The following L3MBTL3 variants were observed in gnomAD, a reference collection of about 807,000 sequenced individuals.
L3MBTL3 encodes L3MBTL histone methyl-lysine binding protein 3.
L3MBTL3 carries 27 observed loss-of-function variants against 102.3 expected under a neutral mutation model. That is an observed-to-expected ratio of 0.26 (90% confidence interval 0.19 to 0.36). L3MBTL3 has a LOEUF of 0.36. Among genes scored for constraint, L3MBTL3 ranks in the 10% least tolerant of loss-of-function variants. The pLI, the probability that L3MBTL3 is intolerant of heterozygous loss-of-function variation, is 1.00. For synonymous variants in L3MBTL3, 340 were observed against 320.9 expected, an observed-to-expected ratio of 1.06 and a Z score of -0.64; for missense variants, 798 against 955.3, an observed-to-expected ratio of 0.84 and a Z score of 2.17.
chr6:130,113,941 A>G (rs1356414758), intron 19 of L3MBTL3, among the ~76,000 whole-genome samples: 2 of 152,240 alleles, frequency 1.3e-5, no homozygotes, highest in African/African-American at 4.8e-5. Context: ...AGATTACAAA[A>G]GTTAATTAGT....
At chr6:130,087,097 C>T in intron 16 of L3MBTL3, among the ~76,000 whole-genome samples, 1 of 152,032 alleles carries the variant, frequency 6.6e-6, no homozygotes, top group African/African-American at 2.4e-5. Flanking sequence ...TAGTTCTAAG[C>T]TGTAGGAGTC....
At chr6:130,056,588 G>T (rs1341902003) in intron 8 of L3MBTL3, among the ~76,000 whole-genome samples, 1 of 152,172 alleles carries the variant, frequency 6.6e-6, no homozygotes, top group Non-Finnish European at 1.5e-5. Context: ...TTTCAGAGAT[G>T]ACCTTCTATT....
Position 130,097,363 on chromosome 6 carries a change from CTT to C in L3MBTL3, c.1736+2998_1736+2999del, listed in dbSNP as rs1336076028. Among the ~76,000 whole-genome samples the C allele has an allele frequency of 5.3e-5, 8 of 152,294 alleles. No individual in the cohort carries two copies. In the South Asian group the frequency reaches 8.3e-4, roughly 16 times the overall value. On this transcript the variant is annotated intron_variant, in intron 18 of 22. Transcript: ENST00000361794. The stretch of plus-strand genomic sequence containing the variant: ...AACTGCATGTATCAAAACATGCACT[CTT>C]TGCATAGATAACAAAGAAAGTTGCT...
chr6:130,065,603 G>A (rs756528580), intron 10 of L3MBTL3, among the ~76,000 whole-genome samples: 8 of 152,188 alleles, frequency 5.3e-5, no homozygotes, highest in African/African-American at 1.2e-4. Context: ...CTCCTGGAGC[G>A]GGTAGAGGTC....
At position 130,051,337 on chromosome 6, in the gene L3MBTL3, T is replaced by C; in HGVS notation, c.378T>C (p.Tyr126=). The change falls in exon 6 of 23, where the codon TAT becomes TAC. Residue 126 remains tyrosine (Y), a synonymous_variant. Coordinates refer to ENST00000361794, the MANE Select transcript of L3MBTL3 (RefSeq NM_032438.4). ...AGTTCTGTGAGAACTGTTGTCAGTA[T>C]GGCAACGTAGATGAGTGTCTTTCTG... ...GLQFCENCCQ[Y]GNVDECLSGG... is the part of the protein sequence containing the mutation. 1 of 1,614,120 alleles carries C rather than the reference T, an allele frequency of 6.2e-7. No individual in the cohort carries two copies. Among genetic ancestry groups the C allele is most frequent in the Non-Finnish European group, 8.5e-7 (1 of 1,179,928 alleles).
intron 3 of L3MBTL3, among the ~76,000 whole-genome samples, chr6:130,046,478 C>A (rs1780730488): frequency 6.6e-6 from 1 of 152,044 alleles, no homozygotes; most frequent in Non-Finnish European, 1.5e-5. Flanking sequence ...GCAAAAGATC[C>A]TTTGACTCTA....
chr6:130,118,216 G>A (rs986768326), intron 19 of L3MBTL3, among the ~76,000 whole-genome samples: 2 of 152,140 alleles, frequency 1.3e-5, no homozygotes, highest in Admixed American at 1.3e-4. Context: ...AGATTTTGGT[G>A]TCAAGAAGAA....
chr6:130,114,353 A>C (rs1192634497), intron 19 of L3MBTL3, among the ~76,000 whole-genome samples: 3 of 152,144 alleles, frequency 2.0e-5, no homozygotes. Context: ...GAATATCACC[A>C]ATTTCTGACT....
intron 18 of L3MBTL3, among the ~76,000 whole-genome samples, chr6:130,097,159 A>G (rs1784408208): frequency 6.6e-6 from 1 of 152,204 alleles, no homozygotes; most frequent in Non-Finnish European, 1.5e-5. Context: ...CTGGCCGGGT[A>G]TTAATCCTTA....
rs927640472 is a variant in L3MBTL3 at position 130,129,781 on chromosome 6, G to A, written c.1967-3671G>A. 5.3e-5 allele frequency among the ~76,000 whole-genome samples: 8 copies of A among 152,256 alleles called. No homozygotes were observed. The South Asian group carries it at 1.2e-3, about 24-fold the overall frequency. On this transcript the variant is annotated intron_variant, in intron 20 of 22. Coordinates refer to ENST00000361794, the MANE Select transcript of L3MBTL3 (RefSeq NM_032438.4). ...TTTAGAACACGAGGCTCTGTTTCCC[G>A]AGGCATACTGTGCACATTTAAACCT...
chr6:130,075,688 G>A (rs148634024), intron 13 of L3MBTL3, among the ~76,000 whole-genome samples: 1 of 152,274 alleles, frequency 6.6e-6, no homozygotes, highest in Middle Eastern at 3.4e-3. Flanking sequence ...TGCACCATGA[G>A]CATTTTTGAG....
At chr6:130,095,987 C>T (rs550840156) in intron 18 of L3MBTL3, among the ~76,000 whole-genome samples, 3 of 152,270 alleles carry the variant, frequency 2.0e-5, no homozygotes, top group East Asian at 1.9e-4. Flanking sequence ...TAAATATTTT[C>T]GAGCAGCATT....
At chr6:130,099,071 C>T (rs1185678741) in intron 18 of L3MBTL3, among the ~76,000 whole-genome samples, 2 of 151,724 alleles carry the variant, frequency 1.3e-5, no homozygotes, top group African/African-American at 4.8e-5. Context: ...AATAAGGCAT[C>T]CTTCTACCAC....
chr6:130,093,528 G>T (rs1784181617), intron 17 of L3MBTL3, among the ~76,000 whole-genome samples: 1 of 152,150 alleles, frequency 6.6e-6, no homozygotes, highest in Non-Finnish European at 1.5e-5. Flanking sequence ...ATTCAGTGTA[G>T]CCTATTTAGA....
At chr6:130,065,834 G>C (rs1454765496) in intron 10 of L3MBTL3, among the ~76,000 whole-genome samples, 1 of 152,170 alleles carries the variant, frequency 6.6e-6, no homozygotes, top group African/African-American at 2.4e-5. Flanking sequence ...ATTCTTAGGA[G>C]CCTGTCTCAT....
intron 12 of L3MBTL3, 60 bp from the exon 13 acceptor site, chr6:130,070,916 G>A: frequency 7.3e-7 from 1 of 1,367,730 alleles, no homozygotes; most frequent in East Asian, 2.5e-5. Flanking sequence ...CAGAGAGTGT[G>A]CAGTTCTTGT....
chr6:130,072,711 A>G (rs558341833), intron 13 of L3MBTL3, among the ~76,000 whole-genome samples: 1 of 152,326 alleles, frequency 6.6e-6, no homozygotes, highest in African/African-American at 2.4e-5. Flanking sequence ...GAAATCAGTG[A>G]CAGATATCAG....
At position 130,049,759 on chromosome 6, in the gene L3MBTL3, C is replaced by A. The variant is rs538750136; in HGVS notation, c.218C>A (p.Pro73Gln). Residue 73 changes from proline to glutamine, a missense_variant, in exon 5 of 23, where the codon CCG (proline) becomes CAG (glutamine). Around this residue, in one of 4 missense-constraint regions of L3MBTL3, gnomAD observed 434 missense variants for 506.6 expected, o/e 0.86. Coordinates refer to ENST00000361794, the MANE Select transcript of L3MBTL3 (RefSeq NM_032438.4). ...ACTCCTAAATCTACATCTCCAGCCCCGACCTCTCCCCCGAGCTCCAGGCCC... is the reference window on the plus strand; with the variant it reads ...ACTCCTAAATCTACATCTCCAGCCCAGACCTCTCCCCCGAGCTCCAGGCCC... ...TWMVPTAQEA[P>Q]TSPPSSRPVF... 1.6e-5 allele frequency: 26 copies of A among 1,614,064 alleles called. No individual in the cohort carries two copies. The South Asian group carries it at 2.6e-4, about 16-fold the overall frequency.
At chr6:130,124,493 T>G in intron 20 of L3MBTL3, among the ~76,000 whole-genome samples, 1 of 152,230 alleles carries the variant, frequency 6.6e-6, no homozygotes, top group Non-Finnish European at 1.5e-5. Flanking sequence ...AAATTCTGCC[T>G]TCTTTTGTGA....
Sources: gnomAD v4.1 joint callset for allele counts (sites outside exome capture counted in the v4.1 genomes callset) on GRCh38, gnomAD v4.1.1 for gene constraint, gnomAD v4.1.1 regional missense constraint, MANE v1.5 for transcripts, NCBI Gene and HGNC (gene_info 2026-07-23, HGNC 2026-07-21) for gene names.